EPAS1: variants seen among roughly 807,000 people sequenced by gnomAD.
EPAS1 encodes endothelial PAS domain protein 1, also known as endothelial PAS domain-containing protein 1.
A neutral mutation model predicts 87.9 loss-of-function variants in EPAS1; 23 were observed. The observed-to-expected ratio is 0.26, with a 90% CI of 0.19 to 0.37. The LOEUF is 0.37. EPAS1 is among the 10% of genes least tolerant of loss of function. EPAS1 has a pLI of 1.00. For missense variants in EPAS1, 1,138 were observed against 1,120.7 expected, an observed-to-expected ratio of 1.02 and a Z score of -0.22; for synonymous variants, 508 against 444.3, an observed-to-expected ratio of 1.14 and a Z score of -1.80.
At chr2:46,359,847 C>T (rs1684352512) in intron 4 of EPAS1, among the ~76,000 whole-genome samples, 1 of 152,160 alleles carries the variant, frequency 6.6e-6, no homozygotes, top group Non-Finnish European at 1.5e-5. Context: ...TCAGCTGGCA[C>T]TCTTCATTAC....
intron 1 of EPAS1, among the ~76,000 whole-genome samples, chr2:46,309,553 G>A (rs1447702798): frequency 2.6e-5 from 4 of 152,210 alleles, no homozygotes; most frequent in Non-Finnish European, 4.4e-5. Flanking sequence ...GTGGAGATTA[G>A]AGGGAGGTTT....
rs1684365958 is a variant in EPAS1 at position 46,360,621 on chromosome 2, C to T, written c.455-17C>T. 3.1e-6 allele frequency: 5 copies of T among 1,609,528 alleles called. No homozygotes were observed. In the African/African-American group the frequency reaches 4.0e-5, roughly 13 times the overall value. On this transcript the variant is annotated splice_polypyrimidine_tract_variant and intron_variant, in intron 4 of 15. Transcript: ENST00000263734. This position sits in a 1 kb window ranked among gnomAD's most constrained non-coding sequence, Gnocchi z 4.5. ...AAAACTGACTTCAGCTGGTTCTTCC[C>T]ATCCTTCCACATCCAGGCTCTGGTT...
At chr2:46,354,561 A>G (rs1684232925) in intron 2 of EPAS1, among the ~76,000 whole-genome samples, 1 of 150,326 alleles carries the variant, frequency 6.7e-6, no homozygotes, top group Non-Finnish European at 1.5e-5. Flanking sequence ...GGTATACTAG[A>G]TAGGGCAGGA....
chr2:46,377,980 A>G lies in EPAS1; in HGVS notation c.1336A>G (p.Ser446Gly). 1 of 1,574,870 alleles carries G rather than the reference A, an allele frequency of 6.3e-7. No individual in the cohort carries two copies. Among genetic ancestry groups the G allele is most frequent in the Non-Finnish European group, 8.6e-7 (1 of 1,159,664 alleles). ...ATGGGCCACGGAGTTGAGGAGCCACAGCACCCAGAGCGAGGCTGGGAGCCT... is the reference window on the plus strand; with the variant it reads ...ATGGGCCACGGAGTTGAGGAGCCACGGCACCCAGAGCGAGGCTGGGAGCCT... The part of the protein sequence containing the change: ...QPWATELRSH[S>G]TQSEAGSLPA... Residue 446 changes from serine (S) to glycine (G), a missense_variant, in exon 10 of 16, where the codon AGC becomes GGC. This residue lies in a region of EPAS1 where 284 missense variants were observed against 258.4 expected (regional missense o/e 1.10). Coordinates refer to ENST00000263734, the MANE Select transcript of EPAS1 (RefSeq NM_001430.5).
intron 6 of EPAS1, among the ~76,000 whole-genome samples, chr2:46,363,825 G>A (rs1201108056): frequency 1.3e-5 from 2 of 152,208 alleles, no homozygotes; most frequent in African/African-American, 4.8e-5. Flanking sequence ...CCCCAAGTCT[G>A]AATTCAGTGG....
At chr2:46,379,929 G>C (rs79660939) in intron 11 of EPAS1, 5 of 487,798 alleles carry the variant, frequency 1.0e-5, no homozygotes, top group Non-Finnish European at 1.9e-5. Context: ...GGGCTGCCTC[G>C]GCTTCAAGAG....
chr2:46,351,898 C>T (rs1223770191), intron 2 of EPAS1, among the ~76,000 whole-genome samples: 1 of 152,152 alleles, frequency 6.6e-6, no homozygotes, highest in Non-Finnish European at 1.5e-5. Context: ...GCCCCTGCTG[C>T]CCAGGAAGTC....
chr2:46,376,509 A>G, intron 8 of EPAS1, 30 bp from the exon 9 acceptor site: 2 of 1,611,210 alleles, frequency 1.2e-6, no homozygotes, highest in South Asian at 1.1e-5. Context: ...AAAATGTGGA[A>G]AGTCTGAATG....
chr2:46,335,733 C>G (rs1246804606), intron 1 of EPAS1: 1 of 152,062 alleles, frequency 6.6e-6, no homozygotes, highest in Non-Finnish European at 1.5e-5. Context: ...CGGAGAGGTC[C>G]TCTCACGCCC....
intron 1 of EPAS1, among the ~76,000 whole-genome samples, chr2:46,322,880 G>A (rs750013050): frequency 4.4e-4 from 67 of 152,320 alleles, no homozygotes; most frequent in Middle Eastern, 6.8e-3. Context: ...AGATGTCCTC[G>A]GAATCTTTCA....
chr2:46,378,851 T>C (rs560928735), intron 11 of EPAS1, 84 bp downstream of exon 11: 2 of 1,296,458 alleles, frequency 1.5e-6, no homozygotes, highest in South Asian at 1.2e-5. Flanking sequence ...TGTAGCCTCA[T>C]CCCTTTGTTG....
intron 9 of EPAS1, among the ~76,000 whole-genome samples, chr2:46,377,594 ACCTTCCTTGTCTAC>A (rs1249282454): frequency 6.6e-6 from 1 of 152,130 alleles, no homozygotes; most frequent in African/African-American, 2.4e-5. Flanking sequence ...TCCCTCTCAT[ACCTTCCTTGTCTAC>A]CCTTCCGGAT....
chr2:46,349,256 G>A (rs890888121), intron 2 of EPAS1, among the ~76,000 whole-genome samples: 8 of 152,174 alleles, frequency 5.3e-5, no homozygotes, highest in Non-Finnish European at 1.0e-4. Context: ...CTAGTGCAGG[G>A]CTTCGTTTTG....
chr2:46,380,122 T>C lies in EPAS1; in HGVS notation c.1555-105T>C, dbSNP rs1054421728. The C allele has an allele frequency of 2.0e-5, 32 of 1,586,254 alleles. No homozygotes were observed. Among genetic ancestry groups the C allele is most frequent in the Non-Finnish European group, 4.3e-6 (5 of 1,169,008 alleles). On this transcript the variant is annotated intron_variant, in intron 11 of 15. Transcript: ENST00000263734. This position sits in a 1 kb window ranked among gnomAD's most constrained non-coding sequence, Gnocchi z 4.4. Reference sequence around the variant, plus strand: ...CAGTGGAGGCGTTTGAGCAGCACTGTGAAACAGTGCTTGAGATGAATGGCT... The same window carrying C: ...CAGTGGAGGCGTTTGAGCAGCACTGCGAAACAGTGCTTGAGATGAATGGCT...
chr2:46,301,579 A>G (rs1270715183), intron 1 of EPAS1, among the ~76,000 whole-genome samples: 5 of 25,444 alleles, frequency 2.0e-4, no homozygotes, highest in Non-Finnish European at 5.4e-4. Flanking sequence ...CGTCTCAAAG[A>G]AAAAAAAAAA....
At chr2:46,350,360 G>C (rs965700619) in intron 2 of EPAS1, among the ~76,000 whole-genome samples, 2 of 152,162 alleles carry the variant, frequency 1.3e-5, no homozygotes, top group African/African-American at 4.8e-5. Context: ...AAAAATACCA[G>C]GTTTTTCTTT....
chr2:46,332,352 TGGCTGCTG>T (rs1683701958), intron 1 of EPAS1, among the ~76,000 whole-genome samples: 1 of 150,672 alleles, frequency 6.6e-6, no homozygotes, highest in Admixed American at 6.6e-5. Context: ...GTTTTCTCTT[TGGCTGCTG>T]GGCTGGATAA....
At position 46,300,171 on chromosome 2, in the gene EPAS1, T is replaced by C. The variant is rs1249934303; in HGVS notation, c.26+2234T>C. ...CTGCAGGCTTCTTTAGGGACCAAGA[T>C]GTAATTAAAATATGTGAACCAATAC... On this transcript the variant is annotated intron_variant, in intron 1 of 15. Transcript: ENST00000263734. The surrounding 1 kb of genome is among the most constrained non-coding windows in gnomAD (Gnocchi z 4.1). 1.3e-5 allele frequency among the ~76,000 whole-genome samples: 2 copies of C among 152,224 alleles called. No homozygotes were observed. The highest frequency in any genetic ancestry group is 2.9e-5 in the Non-Finnish European group (2 of 68,036).
In EPAS1 at chr2:46,384,552, G is replaced by A. The variant is rs1684968618; in HGVS notation, c.2505G>A (p.Leu835=). 2 of 1,614,198 alleles carry A rather than the reference G, an allele frequency of 1.2e-6. No homozygotes were observed. Among genetic ancestry groups the A allele is most frequent in the Admixed American group, 3.3e-5 (2 of 60,026 alleles). ...TCGGGCCCTCATTTGAGTCCTACCT[G>A]CTGCCCGAACTGACCAGATATGACT... ...RLLGPSFESY[L]LPELTRYDCE... The change falls in exon 16 of 16, where the codon CTG becomes CTA. Residue 835 remains leucine, a synonymous_variant. Coordinates refer to ENST00000263734, the MANE Select transcript of EPAS1 (RefSeq NM_001430.5).
Sources: allele counts gnomAD v4.1 joint callset (sites outside exome capture counted in the v4.1 genomes callset), GRCh38; gene constraint gnomAD v4.1.1; regional missense constraint gnomAD v4.1.1; non-coding constraint Gnocchi (gnomAD v3.1); transcripts MANE v1.5; gene names NCBI Gene and HGNC (gene_info 2026-07-23, HGNC 2026-07-21).